MKI67: variants seen among roughly 807,000 people sequenced by gnomAD.
The protein encoded by MKI67 is proliferation marker protein Ki-67.
A neutral mutation model predicts 233.5 loss-of-function variants in MKI67; 152 were observed. The observed-to-expected ratio is 0.65, with a 90% CI of 0.57 to 0.74. MKI67 has a LOEUF of 0.74. Ranked by LOEUF, MKI67 falls within the 30% of genes least tolerant of loss-of-function variation. The pLI is 0.00. For missense variants in MKI67, 3,940 were observed against 3,885.2 expected (o/e 1.01, Z -0.37); for synonymous variants, 1,465 against 1,418.5 (o/e 1.03, Z -0.74).
chr10:128,122,990 A>G lies in MKI67; in HGVS notation c.178T>C (p.Leu60=). The change falls in exon 4 of 15, where the codon TTA becomes CTA. Residue 60 remains leucine, a synonymous_variant. Coordinates refer to ENST00000368654, the MANE Select transcript of MKI67 (RefSeq NM_002417.5). ...GGATTTGTGGAACTGAAATTATGTA[A>G]TATTGCCTGCAAGTGAAAAGAAGGG... ...KIEIHEQEAI[L]HNFSSTNPTQ... is the part of the protein sequence containing the mutation. The G allele has an allele frequency of 2.5e-6, 4 of 1,598,420 alleles. No individual in the cohort carries two copies. The highest frequency in any genetic ancestry group is 1.7e-6 in the Non-Finnish European group (2 of 1,166,280).
chr10:128,113,056 A>G (rs1369764089), intron 8 of MKI67, among the ~76,000 whole-genome samples: 1 of 152,320 alleles, frequency 6.6e-6, no homozygotes, highest in Non-Finnish European at 1.5e-5. Context: ...TTGTAACTCT[A>G]AAAGAAAATA....
rs771980316 is a variant in MKI67, at chr10:128,105,794, C to A, written c.6046G>T (p.Gly2016Cys). 3.1e-6 allele frequency: 5 copies of A among 1,614,128 alleles called. No homozygotes were observed. The highest frequency in any genetic ancestry group is 4.2e-6 in the Non-Finnish European group (5 of 1,180,006). Residue 2016 changes from glycine to cysteine, a missense_variant, in exon 13 of 15, where the codon GGC (glycine) becomes TGC (cysteine). Transcript: ENST00000368654. Reference protein sequence around the residue: ...VGVKEEVLPVGKLTQTSGKTT... With the variant: ...VGVKEEVLPVCKLTQTSGKTT... ...TTCCCTGACGTCTGTGTGAGCTTGCCGACTGGTAGGACCTCTTCTTTCACA... is the reference window on the plus strand; with the variant it reads ...TTCCCTGACGTCTGTGTGAGCTTGCAGACTGGTAGGACCTCTTCTTTCACA...
In MKI67 at chr10:128,115,366, G is replaced by T. The variant is rs151084771; in HGVS notation, c.1042C>A (p.Pro348Thr). 6 of 1,614,028 alleles carry T rather than the reference G, an allele frequency of 3.7e-6. No individual in the cohort carries two copies. Among genetic ancestry groups the T allele is most frequent in the Non-Finnish European group, 5.1e-6 (6 of 1,180,042 alleles). Residue 348 changes from proline to threonine, a missense_variant, in exon 7 of 15, where the codon CCT becomes ACT. Transcript: ENST00000368654. The part of the protein sequence containing the change: ...PLYEPAKMKT[P>T]VQYSQQQNSP... ...TTTTGTTGCTGTGAATATTGTACAG[G>T]GGTCTTCATTTTAGCCGGCTCATAG...
chr10:128,105,884 G>A lies in MKI67; in HGVS notation c.5956C>T (p.Pro1986Ser), dbSNP rs762129011. The change falls in exon 13 of 15, where the codon CCA (proline) becomes TCA (serine). Residue 1986 changes from proline (P) to serine (S), a missense_variant. Pro to Ser is a moderately conservative substitution (Grantham distance 74, BLOSUM62 -1). Transcript: ENST00000368654. The stretch of plus-strand genomic sequence containing the variant: ...CTTGTTGGGGTTTTGACTGGGTCTG[G>A]TTGTGGAGATTTGCAGGATACTTCT... The part of the protein sequence containing the change: ...ITEVSCKSPQ[P>S]DPVKTPTSSK... 6.2e-6 allele frequency: 10 copies of A among 1,613,972 alleles called. No homozygotes were observed. Among genetic ancestry groups the A allele is most frequent in the Middle Eastern group, 1.7e-4 (1 of 6,060 alleles).
chr10:128,109,388 T>C lies in MKI67; in HGVS notation c.2452A>G (p.Lys818Glu). The C allele has an allele frequency of 6.2e-7, 1 of 1,614,036 alleles. No homozygotes were observed. Among genetic ancestry groups the C allele is most frequent in the Non-Finnish European group, 8.5e-7 (1 of 1,179,944 alleles). Residue 818 changes from lysine (K) to glutamate (E), a missense_variant, in exon 13 of 15, where the codon AAA becomes GAA. Physicochemically the swap from Lys to Glu is moderately conservative, Grantham distance 56. Transcript: ENST00000368654. ...GCAGAGCATTTATCAGATGGCTGTT[T>C]TGCTGCATTCTGTGCACTGAAGAAC... ...NVFFSAQNAA[K>E]QPSDKCSASP...
At chr10:128,123,742 A>G (rs1478592395) in intron 2 of MKI67, among the ~76,000 whole-genome samples, 1 of 152,210 alleles carries the variant, frequency 6.6e-6, no homozygotes, top group African/African-American at 2.4e-5. Context: ...TTGTTTTAAA[A>G]CTACACTGAA....
At chr10:128,117,880 C>T (rs1852840391) in intron 5 of MKI67, among the ~76,000 whole-genome samples, 1 of 152,236 alleles carries the variant, frequency 6.6e-6, no homozygotes. Flanking sequence ...TCAGTACTCA[C>T]TATATCACAG....
At chr10:128,119,515 G>A (rs1224469467) in intron 4 of MKI67, among the ~76,000 whole-genome samples, 196 bp from the exon 5 acceptor site, 2 of 152,204 alleles carry the variant, frequency 1.3e-5, no homozygotes, top group African/African-American at 4.8e-5. Flanking sequence ...CATCGAGTTT[G>A]TTTTGAAATA....
chr10:128,104,073 G>T lies in MKI67; in HGVS notation c.7767C>A (p.Pro2589=). The T allele has an allele frequency of 6.2e-7, 1 of 1,613,954 alleles. No homozygotes were observed. Among genetic ancestry groups the T allele is most frequent in the Non-Finnish European group, 8.5e-7 (1 of 1,180,026 alleles). The part of the protein sequence containing the change: ...DKNTKIPCKS[P]PPELTDTATS... The stretch of plus-strand genomic sequence containing the variant: ...TGGCAGTGTCTGTTAGTTCTGGTGG[G>T]GGAGATTTGCAGGGAATTTTTGTGT... Residue 2589 remains proline, a synonymous_variant, in exon 13 of 15, where the codon CCC becomes CCA. Coordinates refer to ENST00000368654, the MANE Select transcript of MKI67 (RefSeq NM_002417.5).
At chr10:128,122,435 T>C (rs1852967855) in intron 4 of MKI67, among the ~76,000 whole-genome samples, 1 of 152,166 alleles carries the variant, frequency 6.6e-6, no homozygotes, top group African/African-American at 2.4e-5. Flanking sequence ...GTACGAGGGG[T>C]TAGGAATTCA....
In MKI67 at chr10:128,108,571, C is replaced by T; in HGVS notation, c.3269G>A (p.Arg1090Lys). The T allele has an allele frequency of 1.9e-6, 3 of 1,614,194 alleles. No homozygotes were observed. The highest frequency in any genetic ancestry group is 2.5e-6 in the Non-Finnish European group (3 of 1,180,038). ...TGACTGGGCCTCTTCCTTAGGCGTT[C>T]TTGGCCACTTCTTCATTCCAGTTAC... ...ARVTGMKKWP[R>K]TPKEEAQSLE... is the part of the protein sequence containing the mutation. Residue 1090 changes from arginine (R) to lysine (K), a missense_variant, in exon 13 of 15, where the codon AGA becomes AAA. Physicochemically the swap from Arg to Lys is conservative, Grantham distance 26. Coordinates refer to ENST00000368654, the MANE Select transcript of MKI67 (RefSeq NM_002417.5).
intron 14 of MKI67, among the ~76,000 whole-genome samples, chr10:128,100,970 A>T (rs1564996953): frequency 6.6e-6 from 1 of 152,266 alleles, no homozygotes. Context: ...CATGAGGTAC[A>T]TCATAAGCAG....
At position 128,096,916 on chromosome 10, in the gene MKI67, G is replaced by A. The variant is rs915240837; in HGVS notation, c.*2274C>T. On this transcript the variant is annotated 3_prime_UTR_variant, in exon 15 of 15. Coordinates refer to ENST00000368654, the MANE Select transcript of MKI67 (RefSeq NM_002417.5). ...GGGTGAGGGAACCCACAGGCAAGAA[G>A]CCTCCCTTAAGCTGAGCTCAGGACT... 13 of 152,292 alleles carry A rather than the reference G, an allele frequency of 8.5e-5. No individual in the cohort carries two copies. Among genetic ancestry groups the A allele is most frequent in the African/African-American group, 3.1e-4 (13 of 41,448 alleles). 9.4% of individuals were successfully genotyped at this position (152,292 alleles called of 1,614,324 possible).
At position 128,106,875 on chromosome 10, in the gene MKI67, T is replaced by C. The variant is rs1565004460; in HGVS notation, c.4965A>G (p.Thr1655=). ...ELLAVGKLTQ[T]SGETTHTHTE... ...TGTGTGTGTGTGTAGTCTCTCCTGA[T>C]GTCTGTGTGAGCTTGCCAACTGCTA... Residue 1655 remains threonine, a synonymous_variant, in exon 13 of 15, where the codon ACA becomes ACG. Transcript: ENST00000368654. 3 of 1,614,070 alleles carry C rather than the reference T, an allele frequency of 1.9e-6. No homozygotes were observed. The highest frequency in any genetic ancestry group is 2.7e-5 in the African/African-American group (2 of 74,922).
rs777441483 is a variant in MKI67 at position 128,105,086 on chromosome 10, A to T, written c.6754T>A (p.Ser2252Thr). ...SLRKADVEEE[S>T]LALRKRTPSV... is the part of the protein sequence containing the mutation. The stretch of plus-strand genomic sequence containing the variant: ...GGTGTTCGTTTCCTGAGTGCTAAGG[A>T]TTCTTCCTCTACGTCTGCTTTCCTG... The change falls in exon 13 of 15, where the codon TCC (serine) becomes ACC (threonine). Residue 2252 changes from serine to threonine, a missense_variant. By Grantham distance (58) the Ser-to-Thr change is moderately conservative (BLOSUM62 1). Coordinates refer to ENST00000368654, the MANE Select transcript of MKI67 (RefSeq NM_002417.5). The T allele has an allele frequency of 1.9e-6, 3 of 1,613,350 alleles. No homozygotes were observed. The highest frequency in any genetic ancestry group is 2.5e-6 in the Non-Finnish European group (3 of 1,179,908).
In MKI67 at chr10:128,125,088, CACCAAACAGG is replaced by C. The variant is rs1478333588; in HGVS notation, c.92+478_92+487del. 6.6e-6 allele frequency among the ~76,000 whole-genome samples: 1 copy of C among 152,162 alleles called. No homozygotes were observed. Among genetic ancestry groups the C allele is most frequent in the Non-Finnish European group, 1.5e-5 (1 of 68,020 alleles). On this transcript the variant is annotated intron_variant, in intron 2 of 14. Coordinates refer to ENST00000368654, the MANE Select transcript of MKI67 (RefSeq NM_002417.5). This position sits in a 1 kb window ranked among gnomAD's most constrained non-coding sequence, Gnocchi z 5.3. ...TATACAGGGACAGGGTTATTACCAC[CACCAAACAGG>C]ACAGCAATATAAGAGGAAACGTTCT...
intron 4 of MKI67, among the ~76,000 whole-genome samples, chr10:128,121,490 A>G (rs1852941382): frequency 7.7e-6 from 1 of 129,822 alleles, no homozygotes; most frequent in South Asian, 2.2e-4. Flanking sequence ...ATTATATTAT[A>G]TATTACTATA....
At position 128,102,655 on chromosome 10, in the gene MKI67, G is replaced by A. The variant is rs754395548; in HGVS notation, c.9185C>T (p.Ala3062Val). 2.0e-5 allele frequency: 33 copies of A among 1,614,026 alleles called. No individual in the cohort carries two copies. Among genetic ancestry groups the A allele is most frequent in the Admixed American group, 3.3e-5 (2 of 60,000 alleles). Residue 3062 changes from alanine (A) to valine (V), a missense_variant, in exon 13 of 15, where the codon GCG (alanine) becomes GTG (valine). Ala to Val is a moderately conservative substitution (Grantham distance 64). Coordinates refer to ENST00000368654, the MANE Select transcript of MKI67 (RefSeq NM_002417.5). ...CATGTCGTTGCTGTTCAGCTCTTCCGCAGGTTCAATTCTTTTTGCAGAAGT... is the reference window on the plus strand; with the variant it reads ...CATGTCGTTGCTGTTCAGCTCTTCCACAGGTTCAATTCTTTTTGCAGAAGT... Reference protein sequence around the residue: ...LRTSAKRIEPAEELNSNDMKT... With the variant: ...LRTSAKRIEPVEELNSNDMKT...
At chr10:128,111,872 T>G in intron 10 of MKI67, 55 bp downstream of exon 10, 1 of 1,607,164 alleles carries the variant, frequency 6.2e-7, no homozygotes, top group Non-Finnish European at 8.5e-7. Flanking sequence ...CCACACTGAA[T>G]GCAAGCTTCG....
Sources: allele counts gnomAD v4.1 joint callset (sites outside exome capture counted in the v4.1 genomes callset), GRCh38; gene constraint gnomAD v4.1.1; non-coding constraint Gnocchi (gnomAD v3.1); transcripts MANE v1.5; gene names NCBI Gene and HGNC (gene_info 2026-07-23, HGNC 2026-07-21).